HEXB: variants seen among roughly 807,000 people sequenced by gnomAD.
HEXB encodes the protein beta-hexosaminidase subunit beta.
In HEXB, 51 loss-of-function variants were observed where a neutral mutation model predicts 71.2. The ratio of observed to expected loss-of-function variants is 0.72; its 90% CI spans 0.57 to 0.90. The LOEUF (loss-of-function observed/expected upper bound fraction) is 0.90, where lower values mean the gene tolerates loss of function less well. Among genes scored for constraint, HEXB ranks in the 40% least tolerant of loss-of-function variants. HEXB has a pLI of 0.00. For synonymous variants in HEXB, 266 were observed against 249.3 expected (o/e 1.07, Z -0.63); for missense variants, 617 against 677.0 (o/e 0.91, Z 0.98).
At chr5:74,712,522 C>A (rs1233863314) in intron 6 of HEXB, among the ~76,000 whole-genome samples, 1 of 152,094 alleles carries the variant, frequency 6.6e-6, no homozygotes, top group Non-Finnish European at 1.5e-5. Context: ...TATTTTAAAA[C>A]ATTTGCAGTG....
chr5:74,685,606 G>C, intron 1 of HEXB, 47 bp downstream of exon 1: 1 of 1,494,848 alleles, frequency 6.7e-7, no homozygotes, highest in Non-Finnish European at 9.0e-7. Context: ...GGAGGGGAGA[G>C]GCGGACCACC....
chr5:74,646,692 C>T (rs1483574599), intron 1 of HEXB, among the ~76,000 whole-genome samples: 3 of 151,898 alleles, frequency 2.0e-5, no homozygotes, highest in African/African-American at 4.8e-5. Flanking sequence ...CTCAGCCTCC[C>T]GAGTAGCTGG....
intron 1 of HEXB, among the ~76,000 whole-genome samples, chr5:74,659,587 G>T (rs1196721111): frequency 3.3e-5 from 5 of 152,202 alleles, no homozygotes; most frequent in African/African-American, 1.2e-4. Context: ...CTTAGAAGAT[G>T]TGAATATGGA....
intron 11 of HEXB, among the ~76,000 whole-genome samples, chr5:74,719,583 A>G (rs1382707532): frequency 1.3e-5 from 2 of 152,198 alleles, no homozygotes; most frequent in African/African-American, 4.8e-5. Flanking sequence ...TAGGTCTATT[A>G]AGAATTGATA....
intron 13 of HEXB, 82 bp from the exon 14 acceptor site, chr5:74,721,036 A>G: frequency 8.7e-7 from 1 of 1,143,790 alleles, no homozygotes; most frequent in East Asian, 2.5e-5. Flanking sequence ...TTCTAAGATG[A>G]CATGAATATC....
intron 5 of HEXB, among the ~76,000 whole-genome samples, chr5:74,704,660 C>T (rs1424214493): frequency 6.6e-6 from 1 of 152,226 alleles, no homozygotes; most frequent in African/African-American, 2.4e-5. Flanking sequence ...GGGAATCTTG[C>T]TCTCCTCCCA....
At chr5:74,700,382 T>C (rs1561219911) in intron 5 of HEXB, among the ~76,000 whole-genome samples, 1 of 152,090 alleles carries the variant, frequency 6.6e-6, no homozygotes, top group African/African-American at 2.4e-5. Flanking sequence ...GTTTTAATGT[T>C]ATAGTTGTCT....
intron 3 of HEXB, among the ~76,000 whole-genome samples, chr5:74,695,686 C>T (rs557689810): frequency 6.6e-6 from 1 of 150,834 alleles, no homozygotes; most frequent in African/African-American, 2.4e-5. Flanking sequence ...ACTAAAAATA[C>T]AAAAATTAGC....
At chr5:74,699,315 C>T (rs1186151228) in intron 5 of HEXB, among the ~76,000 whole-genome samples, 4 of 150,844 alleles carry the variant, frequency 2.7e-5, no homozygotes, top group Non-Finnish European at 2.9e-5. Context: ...GCTGTGTTAC[C>T]CAGGCTGGAG....
At chr5:74,657,389 C>T (rs914358137) in intron 1 of HEXB, among the ~76,000 whole-genome samples, 2 of 152,160 alleles carry the variant, frequency 1.3e-5, no homozygotes, top group African/African-American at 4.8e-5. Context: ...TCCTTTCATT[C>T]AACTCTCTGC....
At chr5:74,654,393 GA>G (rs1748178398) in intron 1 of HEXB, among the ~76,000 whole-genome samples, 1 of 152,132 alleles carries the variant, frequency 6.6e-6, no homozygotes, top group Non-Finnish European at 1.5e-5. Flanking sequence ...GGCCTGACAA[GA>G]CGCAGCATTG....
exon 1 of HEXB, chr5:74,640,182 C>A (rs1302874221): frequency 2.0e-5 from 3 of 152,200 alleles, no homozygotes; most frequent in African/African-American, 4.8e-5. Context: ...GCTCCCCTTG[C>A]CCTCTAGTCG....
intron 5 of HEXB, among the ~76,000 whole-genome samples, chr5:74,701,358 A>G (rs1350307643): frequency 6.6e-6 from 1 of 152,114 alleles, no homozygotes; most frequent in Non-Finnish European, 1.5e-5. Flanking sequence ...TTCTATTAGA[A>G]TTTACTTTAG....
At chr5:74,713,727 A>G in intron 7 of HEXB, 92 bp downstream of exon 7, 3 of 1,053,408 alleles carry the variant, frequency 2.8e-6, no homozygotes, top group Non-Finnish European at 4.3e-6. Context: ...GCAGTAGTAC[A>G]ATCTCGGCTC....
intron 11 of HEXB, chr5:74,720,181 T>C: frequency 1.9e-6 from 1 of 534,004 alleles, no homozygotes; most frequent in Non-Finnish European, 3.4e-6. Context: ...TAATCTATGG[T>C]GCTAACACGT....
At chr5:74,684,674 CTTTTT>C (rs1191674612), upstream of HEXB, among the ~76,000 whole-genome samples, 4 of 133,904 alleles carry the variant, frequency 3.0e-5, no homozygotes, top group South Asian at 2.5e-4. Context: ...TTTTTCTTTT[CTTTTT>C]TTTTTTTTTT....
At chr5:74,666,485 G>T (rs146978520) in intron 1 of HEXB, among the ~76,000 whole-genome samples, 51 of 152,272 alleles carry the variant, frequency 3.3e-4, no homozygotes, top group Non-Finnish European at 6.5e-4. Context: ...TTCTCACCTG[G>T]ATCAGTTGGA....
intron 1 of HEXB, among the ~76,000 whole-genome samples, chr5:74,674,163 G>A (rs969625135): frequency 2.0e-5 from 3 of 152,168 alleles, no homozygotes; most frequent in Non-Finnish European, 4.4e-5. Context: ...TTGGCTATAG[G>A]CCATGTTTCT....
At chr5:74,700,001 CTTTTTT>C (rs58177670) in intron 5 of HEXB, among the ~76,000 whole-genome samples, 173 of 40,388 alleles carry the variant, frequency 4.3e-3, no homozygotes, top group African/African-American at 0.016. Context: ...TGTAAGTTTC[CTTTTTT>C]TTTTTTTTTT....
Sources: gnomAD v4.1 joint callset for allele counts (sites outside exome capture counted in the v4.1 genomes callset) on GRCh38, gnomAD v4.1.1 for gene constraint, MANE v1.5 for transcripts, NCBI Gene and HGNC (gene_info 2026-07-23, HGNC 2026-07-21) for gene names.